The following LCOR variants were observed in gnomAD, a reference collection of about 807,000 sequenced individuals.
LCOR encodes ligand-dependent corepressor.
In LCOR, 14 loss-of-function variants were observed where a neutral mutation model predicts 64.4. That is an observed-to-expected ratio of 0.22 (90% CI 0.14 to 0.34). LCOR has a LOEUF of 0.34. LCOR is among the 10% of genes least tolerant of loss of function. LCOR has a pLI of 1.00. For synonymous variants in LCOR, 643 were observed against 642.5 expected (o/e 1.00, Z -0.01); for missense variants, 1,686 against 1,765.3 (o/e 0.96, Z 0.80).
At chr10:96,930,153 G>C (rs1331191221) in intron 4 of LCOR, among the ~76,000 whole-genome samples, 1 of 152,170 alleles carries the variant, frequency 6.6e-6, no homozygotes, top group Non-Finnish European at 1.5e-5. Context: ...GTCGACACAG[G>C]GTTGCCCCAA....
chr10:96,983,795 C>A lies in LCOR; in HGVS notation c.3335C>A (p.Ala1112Asp), dbSNP rs367835702. 37 of 1,613,976 alleles carry A rather than the reference C, an allele frequency of 2.3e-5. No homozygotes were observed. The highest frequency in any genetic ancestry group is 3.0e-5 in the Non-Finnish European group (35 of 1,180,028). Residue 1112 changes from alanine to aspartate, a missense_variant, in exon 8 of 8, where the codon GCC (alanine) becomes GAC (aspartate). By Grantham distance (126) the Ala-to-Asp change is moderately radical. Around this residue, in one of 3 missense-constraint regions of LCOR, gnomAD observed 1,293 missense variants for 1,410.4 expected, o/e 0.92. Transcript: ENST00000421806. The surrounding 1 kb of genome is among the most constrained non-coding windows in gnomAD (Gnocchi z 4.5). ...CAEEENQELI[A>D]NFNAQYMKVQ... Reference sequence around the variant, plus strand: ...GAGGAGGAGAACCAAGAGCTCATCGCCAACTTCAATGCCCAGTACATGAAA... The same window carrying A: ...GAGGAGGAGAACCAAGAGCTCATCGACAACTTCAATGCCCAGTACATGAAA...
chr10:96,992,429 C>G lies in LCOR; in HGVS notation c.*7295C>G, dbSNP rs748310069. 19 of 152,268 alleles carry G rather than the reference C, an allele frequency of 1.2e-4. No individual in the cohort carries two copies. The highest frequency in any genetic ancestry group is 2.2e-4 in the Non-Finnish European group (15 of 68,042). The allele number at this position is 152,268 out of a possible 1,614,324, so 9.4% of individuals were successfully genotyped here. A position where few individuals can be genotyped will look rare whatever the true frequency, so the allele number is the denominator to read the frequency against. On this transcript the variant is annotated 3_prime_UTR_variant, in exon 8 of 8. Coordinates refer to ENST00000421806, the MANE Select transcript of LCOR (RefSeq NM_001346516.2). ...CATGCTCAACCATTGAGCCCCCAAA[C>G]AACAGTGAAAGCAGAAAGGTGTGGC...
At chr10:96,942,429 C>T (rs1847507790) in intron 4 of LCOR, among the ~76,000 whole-genome samples, 1 of 150,380 alleles carries the variant, frequency 6.6e-6, no homozygotes, top group African/African-American at 2.5e-5. Flanking sequence ...AGAGGGAGAC[C>T]GTGGAAGGAG....
chr10:96,854,699 T>A (rs1338230360), intron 2 of LCOR, among the ~76,000 whole-genome samples: 2 of 152,182 alleles, frequency 1.3e-5, no homozygotes, highest in Non-Finnish European at 2.9e-5. Context: ...TTTTCCCATT[T>A]AATATGTACA....
chr10:96,981,473 T>C lies in LCOR; in HGVS notation c.1013T>C (p.Ile338Thr), dbSNP rs1848084930. 10 of 1,614,238 alleles carry C rather than the reference T, an allele frequency of 6.2e-6. No individual in the cohort carries two copies. The highest frequency in any genetic ancestry group is 8.5e-6 in the Non-Finnish European group (10 of 1,180,040). Residue 338 changes from isoleucine (I) to threonine (T), a missense_variant, in exon 8 of 8, where the codon ATT (isoleucine) becomes ACT (threonine). Physicochemically the swap from Ile to Thr is moderately conservative, Grantham distance 89. Transcript: ENST00000421806. ...AGTGAGGAAGGCAATACCTGTATTA[T>C]TCCTCAAAGAAATTTGTTCAAAGCT... The part of the protein sequence containing the change: ...ENSEEGNTCI[I>T]PQRNLFKALS...
intron 4 of LCOR, among the ~76,000 whole-genome samples, chr10:96,920,627 TGTAC>T (rs1847047875): frequency 1.4e-5 from 2 of 146,276 alleles, no homozygotes; most frequent in African/African-American, 2.5e-5. Flanking sequence ...TATATATGTA[TGTAC>T]ATTCATATAT....
intron 2 of LCOR, among the ~76,000 whole-genome samples, chr10:96,893,062 C>CA (rs1846473239): frequency 6.6e-6 from 1 of 152,074 alleles, no homozygotes; most frequent in Non-Finnish European, 1.5e-5. Context: ...ATTCCCTTCT[C>CA]ATTTATTTTA....
At chr10:96,877,756 C>T (rs1290514196) in intron 2 of LCOR, among the ~76,000 whole-genome samples, 4 of 151,752 alleles carry the variant, frequency 2.6e-5, no homozygotes, top group African/African-American at 9.7e-5. Flanking sequence ...GGACTACAGG[C>T]GCCTGCCACC....
chr10:96,935,406 C>T (rs1847332768), intron 4 of LCOR, among the ~76,000 whole-genome samples: 1 of 151,944 alleles, frequency 6.6e-6, no homozygotes, highest in African/African-American at 2.4e-5. Context: ...GCCTTGGCCT[C>T]CCAAAGTACT....
chr10:96,879,224 C>T (rs1001278036), intron 2 of LCOR, among the ~76,000 whole-genome samples: 2 of 152,148 alleles, frequency 1.3e-5, no homozygotes, highest in Non-Finnish European at 2.9e-5. Context: ...ACATGATTCA[C>T]AGATGAAGCA....
In LCOR at chr10:96,994,058, C is replaced by T. The variant is rs576092621; in HGVS notation, c.*8924C>T. 1 of 152,146 alleles carries T rather than the reference C, an allele frequency of 6.6e-6. No homozygotes were observed. Among genetic ancestry groups the T allele is most frequent in the East Asian group, 1.9e-4 (1 of 5,180 alleles). The allele number at this position is 152,146 out of a possible 1,614,324, so 9.4% of individuals were successfully genotyped here. A position where few individuals can be genotyped will look rare whatever the true frequency, so the allele number is the denominator to read the frequency against. On this transcript the variant is annotated 3_prime_UTR_variant, in exon 8 of 8. Coordinates refer to ENST00000421806, the MANE Select transcript of LCOR (RefSeq NM_001346516.2). ...CTCTAGCAATGGATGAGAAATCTGC[C>T]AGCACCAGACACATCAAAATTGGGC...
intron 2 of LCOR, among the ~76,000 whole-genome samples, chr10:96,904,609 C>T (rs768458664): frequency 2.0e-5 from 3 of 151,970 alleles, no homozygotes; most frequent in Admixed American, 6.6e-5. Flanking sequence ...TAGTCAACTT[C>T]GATAAAATAA....
intron 2 of LCOR, among the ~76,000 whole-genome samples, chr10:96,891,728 G>A (rs1846447753): frequency 6.6e-6 from 1 of 151,540 alleles, no homozygotes; most frequent in African/African-American, 2.4e-5. Flanking sequence ...TTTTTAGTTA[G>A]AGACAGGTTT....
intron 4 of LCOR, among the ~76,000 whole-genome samples, chr10:96,943,139 A>AC (rs1847525765): frequency 6.6e-6 from 1 of 152,108 alleles, no homozygotes; most frequent in African/African-American, 2.4e-5. Context: ...TTGCTGTGTC[A>AC]CCCAAGCTGG....
At chr10:96,912,425 G>A (rs773245523) in intron 4 of LCOR, among the ~76,000 whole-genome samples, 3 of 152,132 alleles carry the variant, frequency 2.0e-5, no homozygotes, top group Admixed American at 6.5e-5. Flanking sequence ...AAACCTTTGC[G>A]AATTTGCCAG....
At chr10:96,931,963 A>G (rs74565070) in intron 4 of LCOR, among the ~76,000 whole-genome samples, 3 of 152,218 alleles carry the variant, frequency 2.0e-5, no homozygotes, top group East Asian at 1.9e-4. Context: ...GTATAATGCT[A>G]TTGTGATCAA....
In LCOR at chr10:96,988,346, T is replaced by G. The variant is rs1037092074; in HGVS notation, c.*3212T>G. The G allele has an allele frequency of 6.6e-6, 1 of 152,230 alleles. No individual in the cohort carries two copies. Among genetic ancestry groups the G allele is most frequent in the African/African-American group, 2.4e-5 (1 of 41,466 alleles). The allele number at this position is 152,230 out of a possible 1,614,324, so 9.4% of individuals were successfully genotyped here. On this transcript the variant is annotated 3_prime_UTR_variant, in exon 8 of 8. Coordinates refer to ENST00000421806, the MANE Select transcript of LCOR (RefSeq NM_001346516.2). Reference sequence around the variant, plus strand: ...GTCACCAGTCACTAGCCCCTTGGATTCCTTGTTAAAGACTTCTGTGCAGCC... The same window carrying G: ...GTCACCAGTCACTAGCCCCTTGGATGCCTTGTTAAAGACTTCTGTGCAGCC...
At chr10:96,971,243 AT>A (rs377199153) in intron 7 of LCOR, among the ~76,000 whole-genome samples, 1 of 151,994 alleles carries the variant, frequency 6.6e-6, no homozygotes, top group South Asian at 2.1e-4. Context: ...CGTTGAACTC[AT>A]TTTTTTTGAA....
chr10:96,905,827 G>A (rs1846717601), intron 2 of LCOR, among the ~76,000 whole-genome samples: 1 of 152,050 alleles, frequency 6.6e-6, no homozygotes, highest in African/African-American at 2.4e-5. Context: ...TGGAATCTAG[G>A]ATATATCATA....
Sources: gnomAD v4.1 joint callset for allele counts (sites outside exome capture counted in the v4.1 genomes callset) on GRCh38, gnomAD v4.1.1 for gene constraint, gnomAD v4.1.1 regional missense constraint, Gnocchi (gnomAD v3.1) non-coding constraint, MANE v1.5 for transcripts, NCBI Gene and HGNC (gene_info 2026-07-23, HGNC 2026-07-21) for gene names.